The following ADD3 variants were observed in gnomAD, a reference collection of about 807,000 sequenced individuals.
The protein encoded by ADD3 is adducin 3, also known as gamma-adducin.
In ADD3, 25 loss-of-function variants were observed where a neutral mutation model predicts 80.2. The observed-to-expected ratio is 0.31, with a 90% CI of 0.23 to 0.44. The LOEUF is 0.44. Among genes scored for constraint, ADD3 ranks in the 20% least tolerant of loss-of-function variants. The probability of loss-of-function intolerance (pLI) is 1.00; values close to 1 mark genes in which losing one functional copy is unlikely to be tolerated. For synonymous variants in ADD3, 284 were observed against 289.6 expected, an observed-to-expected ratio of 0.98 and a Z score of 0.20; for missense variants, 829 against 847.5, an observed-to-expected ratio of 0.98 and a Z score of 0.27.
intron 9 of ADD3, chr10:110,123,731 TAG>T: frequency 3.2e-6 from 1 of 308,846 alleles, no homozygotes; most frequent in South Asian, 5.4e-5. Context: ...GTTTTATAGA[TAG>T]AAAAGCACTT....
intron 1 of ADD3, among the ~76,000 whole-genome samples, chr10:110,036,754 C>G (rs1855715333): frequency 6.6e-6 from 1 of 151,940 alleles, no homozygotes; most frequent in Non-Finnish European, 1.5e-5. Flanking sequence ...ATGTAATCTT[C>G]TAAATATATA....
chr10:110,018,670 C>T (rs1465981115), intron 1 of ADD3, among the ~76,000 whole-genome samples: 1 of 151,946 alleles, frequency 6.6e-6, no homozygotes, highest in African/African-American at 2.4e-5. Context: ...AAATTACTGT[C>T]CGTGAAAATG....
At position 110,134,095 on chromosome 10, in the gene ADD3, A is replaced by G. The variant is rs1019945665; in HGVS notation, c.*477A>G. ...TTAAAAACTTCTAAGACAAGAATCT[A>G]TAGCATTAGTATACACTGGCACATA... is the stretch of plus-strand genomic sequence containing the variant. On this transcript the variant is annotated 3_prime_UTR_variant, in exon 15 of 15. Coordinates refer to ENST00000356080, the MANE Select transcript of ADD3 (RefSeq NM_016824.5). 6.5e-5 allele frequency: 10 copies of G among 152,708 alleles called. No individual in the cohort carries two copies. The highest frequency in any genetic ancestry group is 2.0e-4 in the Admixed American group (3 of 15,288). The allele number at this position is 152,708 out of a possible 1,614,324, so 9.5% of individuals were successfully genotyped here. A position where few individuals can be genotyped will look rare whatever the true frequency, so the allele number is the denominator to read the frequency against.
chr10:110,115,801 T>C (rs968121813), intron 3 of ADD3, among the ~76,000 whole-genome samples: 1 of 152,206 alleles, frequency 6.6e-6, no homozygotes, highest in Non-Finnish European at 1.5e-5. Flanking sequence ...AGACCTTCAA[T>C]AGGACAGAAA....
intron 12 of ADD3, among the ~76,000 whole-genome samples, chr10:110,127,345 G>T (rs150731013): frequency 0.02 from 3,000 of 152,280 alleles, 110 homozygotes; most frequent in African/African-American, 0.068. Context: ...CCGGCTGGGT[G>T]CAGTGGCTCA....
At chr10:110,104,562 A>G (rs931364882) in intron 2 of ADD3, among the ~76,000 whole-genome samples, 2 of 152,244 alleles carry the variant, frequency 1.3e-5, no homozygotes, top group African/African-American at 4.8e-5. Context: ...CTGTTAAACA[A>G]AATCCATAAC....
intron 2 of ADD3, among the ~76,000 whole-genome samples, chr10:110,105,672 A>C (rs1411145895): frequency 6.6e-6 from 1 of 152,182 alleles, no homozygotes; most frequent in African/African-American, 2.4e-5. Context: ...ACATACTAAC[A>C]GTTTTTAATA....
At chr10:110,015,992 G>A (rs533989375) in intron 1 of ADD3, among the ~76,000 whole-genome samples, 1 of 152,294 alleles carries the variant, frequency 6.6e-6, no homozygotes, top group South Asian at 2.1e-4. Context: ...ACTTAAGTTA[G>A]ATGATTTTAT....
intron 1 of ADD3, among the ~76,000 whole-genome samples, chr10:110,060,782 A>C (rs562943660): frequency 1.3e-5 from 2 of 152,288 alleles, no homozygotes; most frequent in Admixed American, 1.3e-4. Context: ...ATCTCATTTG[A>C]AGTGGATGTT....
chr10:110,066,196 C>A (rs1281487020), intron 1 of ADD3, among the ~76,000 whole-genome samples: 1 of 152,106 alleles, frequency 6.6e-6, no homozygotes, highest in Admixed American at 6.6e-5. Context: ...GCAAGGGAGA[C>A]TTTTTCCATT....
intron 1 of ADD3, among the ~76,000 whole-genome samples, chr10:110,053,075 T>G (rs1401786875): frequency 1.3e-5 from 2 of 152,158 alleles, no homozygotes; most frequent in African/African-American, 2.4e-5. Flanking sequence ...TTTACTTTTG[T>G]TAGTGAGCAA....
rs932065803 is a variant in ADD3, at chr10:110,134,429, T to G, written c.*811T>G. The G allele has an allele frequency of 2.0e-5, 3 of 152,608 alleles. No homozygotes were observed. Among genetic ancestry groups the G allele is most frequent in the African/African-American group, 7.2e-5 (3 of 41,448 alleles). 9.5% of individuals were successfully genotyped at this position (152,608 alleles called of 1,614,324 possible). On this transcript the variant is annotated 3_prime_UTR_variant, in exon 15 of 15. Transcript: ENST00000356080. ...CCAATCTTTTCACAGTAGAGCATAC[T>G]TAAGGCTGCTTGGTACTGAGTATAC...
At chr10:110,070,128 C>T (rs1844484543) in intron 1 of ADD3, among the ~76,000 whole-genome samples, 1 of 152,106 alleles carries the variant, frequency 6.6e-6, no homozygotes, top group African/African-American at 2.4e-5. Context: ...AGACCAAGCT[C>T]CAGGGTAACT....
chr10:110,064,106 T>C (rs1843617491), intron 1 of ADD3, among the ~76,000 whole-genome samples: 1 of 152,170 alleles, frequency 6.6e-6, no homozygotes. Flanking sequence ...TTGTATGTAC[T>C]GTATTCCATT....
At chr10:110,060,956 G>T (rs1397170917) in intron 1 of ADD3, among the ~76,000 whole-genome samples, 1 of 152,110 alleles carries the variant, frequency 6.6e-6, no homozygotes, top group African/African-American at 2.4e-5. Flanking sequence ...AGTGACATTG[G>T]GCACCTCTGA....
Position 110,125,776 on chromosome 10 carries a change from A to G in ADD3, c.1402-50A>G, listed in dbSNP as rs201714734. 91 of 1,427,026 alleles carry G rather than the reference A, an allele frequency of 6.4e-5. No homozygotes were observed. In the African/African-American group the frequency reaches 1.2e-3, roughly 18 times the overall value. 88.4% of individuals were successfully genotyped at this position (1,427,026 alleles called of 1,614,324 possible). ...ATAAGCAGTTATCTAACAATCTACT[A>G]ATATTTTCTTAACACAAAGCTTCAT... On this transcript the variant is annotated intron_variant, in intron 10 of 14. Coordinates refer to ENST00000356080, the MANE Select transcript of ADD3 (RefSeq NM_016824.5).
intron 1 of ADD3, among the ~76,000 whole-genome samples, chr10:110,048,867 A>G (rs1414589877): frequency 6.6e-6 from 1 of 152,248 alleles, no homozygotes. Flanking sequence ...AGAAATTTGC[A>G]GAAGTGATGA....
In ADD3 at chr10:110,085,407, AC is replaced by A. The variant is rs2133813005; in HGVS notation, c.-29-15217del. Among the ~76,000 whole-genome samples the A allele has an allele frequency of 1.3e-5, 2 of 152,242 alleles. 1 individual carries two copies. Among genetic ancestry groups the A allele is most frequent in the East Asian group, 3.9e-4 (2 of 5,162 alleles). ...ATTTTACTGACTGGAATCCAGGTAA[AC>A]AGTCAGGAGCAGATTCCCAGAAATG... is the stretch of plus-strand genomic sequence containing the variant. On this transcript the variant is annotated intron_variant, in intron 1 of 14. Coordinates refer to ENST00000356080, the MANE Select transcript of ADD3 (RefSeq NM_016824.5).
intron 9 of ADD3, 136 bp from the exon 10 acceptor site, chr10:110,123,881 T>A (rs945430721): frequency 1.2e-6 from 1 of 831,970 alleles, no homozygotes; most frequent in Non-Finnish European, 1.9e-6. Context: ...AGTTATGTGG[T>A]GTTTGGAAGG....
Sources: gnomAD v4.1 joint callset for allele counts (sites outside exome capture counted in the v4.1 genomes callset) on GRCh38, gnomAD v4.1.1 for gene constraint, MANE v1.5 for transcripts, NCBI Gene and HGNC (gene_info 2026-07-23, HGNC 2026-07-21) for gene names.